TANGO6: variants seen among roughly 807,000 people sequenced by gnomAD.
TANGO6 encodes the protein transport and golgi organization 6 homolog, also known as transport and Golgi organization protein 6 homolog.
TANGO6 carries 90 observed loss-of-function variants against 114.2 expected under a neutral mutation model. The ratio of observed to expected loss-of-function variants is 0.79; its 90% CI spans 0.66 to 0.94. The LOEUF (loss-of-function observed/expected upper bound fraction) is 0.94. Ranked by LOEUF, TANGO6 falls within the 40% of genes least tolerant of loss-of-function variation. The pLI, the probability that TANGO6 is intolerant of heterozygous loss-of-function variation, is 0.00. For missense variants in TANGO6, 1,274 were observed against 1,315.3 expected, an observed-to-expected ratio of 0.97 and a Z score of 0.49; for synonymous variants, 477 against 509.8, an observed-to-expected ratio of 0.94 and a Z score of 0.87.
intron 17 of TANGO6, among the ~76,000 whole-genome samples, chr16:69,063,586 T>C (rs1223085767): frequency 8.1e-6 from 1 of 124,160 alleles, no homozygotes; most frequent in African/African-American, 3.1e-5. Flanking sequence ...CTCGAGAAGC[T>C]GAGGCTGGAG....
intron 17 of TANGO6, among the ~76,000 whole-genome samples, chr16:69,068,291 C>G (rs753822129): frequency 1.3e-5 from 2 of 152,104 alleles, no homozygotes; most frequent in African/African-American, 2.4e-5. Context: ...CAGAGAGACT[C>G]TGTCTCAATA....
Position 68,878,299 on chromosome 16 carries a change from T to C in TANGO6, c.1294+19T>C. 1 of 1,576,952 alleles carries C rather than the reference T, an allele frequency of 6.3e-7. No individual in the cohort carries two copies. ...ACAGCAGGTAAAGGAGGAAGTGTGG[T>C]GGCTGTGTGTGCCTCTAAAGGACCT... On this transcript the variant is annotated intron_variant, in intron 6 of 17. Transcript: ENST00000261778.
At chr16:69,023,556 A>G (rs79058161) in intron 16 of TANGO6, among the ~76,000 whole-genome samples, 5,974 of 152,320 alleles carry the variant, frequency 0.039, 164 homozygotes, top group Non-Finnish European at 0.061. Flanking sequence ...ATGATTTATC[A>G]TAGAGTCTGA....
At chr16:68,932,325 G>T (rs1192347807) in intron 14 of TANGO6, among the ~76,000 whole-genome samples, 1 of 150,864 alleles carries the variant, frequency 6.6e-6, no homozygotes, top group Non-Finnish European at 1.5e-5. Context: ...TCCTGACCTT[G>T]GGTGATCCAC....
intron 17 of TANGO6, among the ~76,000 whole-genome samples, chr16:69,055,439 C>T (rs935715567): frequency 6.6e-6 from 1 of 152,190 alleles, no homozygotes; most frequent in African/African-American, 2.4e-5. Flanking sequence ...GATGGTGGCC[C>T]AGTGTTATAT....
At chr16:69,010,473 A>G (rs140049293) in intron 15 of TANGO6, among the ~76,000 whole-genome samples, 66 of 152,140 alleles carry the variant, frequency 4.3e-4, no homozygotes, top group Non-Finnish European at 7.8e-4. Context: ...TTCACCTCTC[A>G]TTGTGCCCTT....
chr16:69,053,929 G>C (rs190125324), intron 17 of TANGO6, among the ~76,000 whole-genome samples: 24 of 152,274 alleles, frequency 1.6e-4, no homozygotes, highest in Non-Finnish European at 3.1e-4. Context: ...GCCAGGTATG[G>C]TGGCAGGGGC....
At chr16:68,957,438 C>G (rs932816319) in intron 14 of TANGO6, among the ~76,000 whole-genome samples, 15 of 149,486 alleles carry the variant, frequency 1.0e-4, no homozygotes, top group African/African-American at 3.4e-4. Context: ...CGCTCTGTCA[C>G]CCAGCCTGGA....
At chr16:68,960,169 T>C (rs1963574748) in intron 14 of TANGO6, among the ~76,000 whole-genome samples, 1 of 152,208 alleles carries the variant, frequency 6.6e-6, no homozygotes, top group Admixed American at 6.5e-5. Context: ...GGCTTCTTTA[T>C]TTCTTACCCG....
intron 17 of TANGO6, among the ~76,000 whole-genome samples, chr16:69,071,828 G>A (rs1960299437): frequency 6.6e-6 from 1 of 152,224 alleles, no homozygotes; most frequent in African/African-American, 2.4e-5. Context: ...CTGTCTTCCT[G>A]CTTTTCCATT....
chr16:68,894,375 T>G (rs1379737968), intron 7 of TANGO6, among the ~76,000 whole-genome samples: 3 of 152,058 alleles, frequency 2.0e-5, no homozygotes, highest in Admixed American at 2.0e-4. Context: ...GACAAGAGAT[T>G]GGAAGAAGGG....
Position 68,927,760 on chromosome 16 carries a change from G to A in TANGO6, c.2320G>A (p.Gly774Arg). 1 of 1,614,014 alleles carries A rather than the reference G, an allele frequency of 6.2e-7. No individual in the cohort carries two copies. Among genetic ancestry groups the A allele is most frequent in the South Asian group, 1.1e-5 (1 of 91,082 alleles). Residue 774 changes from glycine to arginine, a missense_variant, in exon 13 of 18, where the codon GGG becomes AGG. Gly to Arg is a moderately radical substitution (Grantham distance 125). Around this residue, in one of 5 missense-constraint regions of TANGO6, gnomAD observed 908 missense variants for 910.2 expected, o/e 1.00. Transcript: ENST00000261778. ...TACACTGAACAGAAAAGATCTGGAA[G>A]GGAAAATAGAAGAGCAGCAACAAAC... Reference protein sequence around the residue: ...QSTLNRKDLEGKIEEQQQTSH... With the variant: ...QSTLNRKDLERKIEEQQQTSH...
chr16:69,012,171 C>G (rs1437852425), intron 15 of TANGO6, among the ~76,000 whole-genome samples: 1 of 152,194 alleles, frequency 6.6e-6, no homozygotes, highest in African/African-American at 2.4e-5. Flanking sequence ...TAGAACTAAG[C>G]TAAGATAAAC....
At chr16:68,876,747 G>T (rs1962367510) in intron 5 of TANGO6, among the ~76,000 whole-genome samples, 1 of 152,076 alleles carries the variant, frequency 6.6e-6, no homozygotes, top group Non-Finnish European at 1.5e-5. Flanking sequence ...CTTGAACCTG[G>T]GAGGCAGACG....
intron 14 of TANGO6, among the ~76,000 whole-genome samples, chr16:68,943,392 C>T (rs975579086): frequency 2.8e-5 from 4 of 143,202 alleles, no homozygotes; most frequent in African/African-American, 7.8e-5. Context: ...GAGACAGAGT[C>T]TCGCTCTGTC....
intron 7 of TANGO6, among the ~76,000 whole-genome samples, chr16:68,892,201 A>G (rs557575623): frequency 6.6e-6 from 1 of 152,318 alleles, no homozygotes; most frequent in South Asian, 2.1e-4. Context: ...AAAGAGTTAC[A>G]GTAGTGTGTG....
In TANGO6 at chr16:68,869,068, A is replaced by C. The variant is rs182104648; in HGVS notation, c.994+1848A>C. ...TATGATTACTTTCTTTTTTTACATA[A>C]TCTTTTGTACTTCCTGGAGTTAATC... On this transcript the variant is annotated intron_variant, in intron 4 of 17. Coordinates refer to ENST00000261778, the MANE Select transcript of TANGO6 (RefSeq NM_024562.2). Among the ~76,000 whole-genome samples, 85 of 152,180 alleles carry C rather than the reference A, an allele frequency of 5.6e-4. 1 individual carries two copies. The highest frequency in any genetic ancestry group is 7.8e-4 in the Non-Finnish European group (53 of 67,994).
chr16:68,946,071 GA>G (rs1963411292), intron 14 of TANGO6, among the ~76,000 whole-genome samples: 1 of 151,982 alleles, frequency 6.6e-6, no homozygotes, highest in South Asian at 2.1e-4. Flanking sequence ...TCCTTTATCA[GA>G]TGCATGATTT....
intron 17 of TANGO6, among the ~76,000 whole-genome samples, chr16:69,078,378 C>T (rs1310463024): frequency 2.6e-5 from 4 of 152,320 alleles, no homozygotes; most frequent in South Asian, 2.1e-4. Context: ...GTCCAAGACA[C>T]GTGGTGCTAG....
Sources: gnomAD v4.1 joint callset for allele counts (sites outside exome capture counted in the v4.1 genomes callset) on GRCh38, gnomAD v4.1.1 for gene constraint, gnomAD v4.1.1 regional missense constraint, MANE v1.5 for transcripts, NCBI Gene and HGNC (gene_info 2026-07-23, HGNC 2026-07-21) for gene names.